Variants in ACYP1 observed in about 807,000 individuals in gnomAD.
ACYP1 encodes acylphosphatase 1.
A neutral mutation model predicts 10.4 loss-of-function variants in ACYP1; 8 were observed. That is an observed-to-expected ratio of 0.77 (90% CI 0.45 to 1.38). The LOEUF is 1.38. Ranked by LOEUF, ACYP1 falls within the 40% of genes most tolerant of loss-of-function variation. The pLI is 0.00. For missense variants in ACYP1, 93 were observed against 117.3 expected, an observed-to-expected ratio of 0.79 and a Z score of 0.96; for synonymous variants, 38 against 40.8, an observed-to-expected ratio of 0.93 and a Z score of 0.26.
At chr14:75,055,431 C>T (rs1892853087) in intron 2 of ACYP1, among the ~76,000 whole-genome samples, 1 of 151,274 alleles carries the variant, frequency 6.6e-6, no homozygotes, top group African/African-American at 2.4e-5. Context: ...CAAAATTTGA[C>T]CAGTGTTGAG....
At chr14:75,067,226 C>CACAT (rs1555348428), upstream of ACYP1, among the ~76,000 whole-genome samples, 83 of 142,856 alleles carry the variant, frequency 5.8e-4, no homozygotes, top group African/African-American at 4.5e-4. Context: ...CACACACACA[C>CACAT]ATATATATGA....
upstream of ACYP1, among the ~76,000 whole-genome samples, chr14:75,067,832 G>GAA (rs1445763842): frequency 2.1e-5 from 3 of 141,942 alleles, no homozygotes; most frequent in Non-Finnish European, 1.5e-5. Flanking sequence ...TGTCTCTACA[G>GAA]AAAAAAAAAA....
At chr14:75,058,460 A>C (rs1336920117) in intron 2 of ACYP1, among the ~76,000 whole-genome samples, 1 of 151,236 alleles carries the variant, frequency 6.6e-6, no homozygotes, top group African/African-American at 2.5e-5. Context: ...AAAAAAAATA[A>C]ATAAAAATAA....
At chr14:75,058,013 T>G (rs1892924759) in intron 2 of ACYP1, among the ~76,000 whole-genome samples, 1 of 134,642 alleles carries the variant, frequency 7.4e-6, no homozygotes, top group African/African-American at 2.8e-5. Context: ...GGCTGGGTAA[T>G]TTATAAAGAA....
Position 75,061,032 on chromosome 14 carries a change from A to G in ACYP1, c.84+2438T>C, listed in dbSNP as rs1422812701. 2.6e-5 allele frequency among the ~76,000 whole-genome samples: 4 copies of G among 152,124 alleles called. No homozygotes were observed. The South Asian group carries it at 6.2e-4, about 24-fold the overall frequency. On this transcript the variant is annotated intron_variant, in intron 2 of 2. Transcript: ENST00000238618. ...CAGTGAGCCGAGATCACGCCACTGC[A>G]CTCCAGCCTGGGTGACAGAATGAGG...
upstream of ACYP1, among the ~76,000 whole-genome samples, chr14:75,068,259 T>G (rs1893188894): frequency 1.3e-5 from 2 of 152,020 alleles, no homozygotes; most frequent in African/African-American, 4.8e-5. Context: ...CCACTGCACT[T>G]CAGCCTGGGC....
chr14:75,056,590 A>G (rs1415621314), intron 2 of ACYP1, among the ~76,000 whole-genome samples: 2 of 151,412 alleles, frequency 1.3e-5, no homozygotes, highest in African/African-American at 2.4e-5. Context: ...CCAAAAAACC[A>G]TAGACCAATA....
intron 2 of ACYP1, among the ~76,000 whole-genome samples, chr14:75,062,114 A>AAAAAAAAAAAG (rs1893034929): frequency 6.7e-6 from 1 of 149,292 alleles, no homozygotes; most frequent in African/African-American, 2.5e-5. Context: ...AAAAAAAAAA[A>AAAAAAAAAAAG]AAAAAAAAAA....
At chr14:75,060,409 C>A in intron 2 of ACYP1, 1 of 509,014 alleles carries the variant, frequency 2.0e-6, no homozygotes, top group South Asian at 3.2e-5. Flanking sequence ...GGTATAGCTA[C>A]TTTGGAAAAG....
intron 2 of ACYP1, among the ~76,000 whole-genome samples, chr14:75,059,176 T>TAA (rs71119344): frequency 0.039 from 3,799 of 97,218 alleles, 111 homozygotes; most frequent in African/African-American, 0.062. Flanking sequence ...GACTCTGTCT[T>TAA]AAAAAAAAAA....
At chr14:75,059,148 C>T (rs1375248664) in intron 2 of ACYP1, among the ~76,000 whole-genome samples, 5 of 139,122 alleles carry the variant, frequency 3.6e-5, no homozygotes, top group African/African-American at 1.1e-4. Context: ...ATCGAGATCG[C>T]GCCACTGCAC....
chr14:75,061,867 C>G (rs926650763), intron 2 of ACYP1: 23 of 741,778 alleles, frequency 3.1e-5, no homozygotes, highest in African/African-American at 3.0e-4. Context: ...TTTGGGAGGC[C>G]AAGGTGGGCG....
intron 2 of ACYP1, among the ~76,000 whole-genome samples, chr14:75,057,445 C>A (rs1393323234): frequency 8.6e-5 from 13 of 151,570 alleles, no homozygotes; most frequent in Non-Finnish European, 1.9e-4. Flanking sequence ...ACAGATTCAA[C>A]TCAATCTCTA....
chr14:75,057,964 CA>C (rs769312151), intron 2 of ACYP1, among the ~76,000 whole-genome samples: 10 of 38,808 alleles, frequency 2.6e-4, no homozygotes, highest in African/African-American at 8.6e-4. Context: ...GACTCTGTCT[CA>C]AAAAAAAAAA....
upstream of ACYP1, among the ~76,000 whole-genome samples, chr14:75,068,401 G>A (rs981554992): frequency 6.6e-6 from 1 of 152,028 alleles, no homozygotes. Flanking sequence ...ATTCCCGGAG[G>A]GTACTGAAAA....
chr14:75,066,913 A>G (rs1265320554), upstream of ACYP1, among the ~76,000 whole-genome samples: 1 of 152,194 alleles, frequency 6.6e-6, no homozygotes, highest in Non-Finnish European at 1.5e-5. Flanking sequence ...GGCAACAAAG[A>G]GGGAAGCATG....
At chr14:75,061,660 T>C (rs943664172) in intron 2 of ACYP1, 1 of 1,529,606 alleles carries the variant, frequency 6.5e-7, no homozygotes, top group African/African-American at 1.4e-5. Flanking sequence ...GTTATCTCAA[T>C]CACCTTAATT....
At chr14:75,066,412 A>G (rs533647962), upstream of ACYP1, among the ~76,000 whole-genome samples, 25 of 151,998 alleles carry the variant, frequency 1.6e-4, no homozygotes, top group Non-Finnish European at 2.9e-5. Flanking sequence ...ATTTAGACTG[A>G]TTATTTTGCC....
chr14:75,059,248 T>C (rs1892961021), intron 2 of ACYP1, among the ~76,000 whole-genome samples: 1 of 150,042 alleles, frequency 6.7e-6, no homozygotes, highest in African/African-American at 2.5e-5. Context: ...GGCTCACACC[T>C]GTAATCCCAG....
Sources: gnomAD v4.1 joint callset for allele counts (sites outside exome capture counted in the v4.1 genomes callset) on GRCh38, gnomAD v4.1.1 for gene constraint, MANE v1.5 for transcripts, NCBI Gene and HGNC (gene_info 2026-07-23, HGNC 2026-07-21) for gene names.